The following RCBTB1 variants were observed in gnomAD, a reference collection of about 807,000 sequenced individuals.
RCBTB1 encodes the protein RCC1 and BTB domain containing protein 1.
RCBTB1 carries 46 observed loss-of-function variants against 62.4 expected under a neutral mutation model. That is an observed-to-expected ratio of 0.74 (90% CI 0.58 to 0.94). The LOEUF is 0.94. Ranked by LOEUF, RCBTB1 falls within the 40% of genes least tolerant of loss-of-function variation. RCBTB1 has a pLI of 0.00. For synonymous variants in RCBTB1, 222 were observed against 245.8 expected (o/e 0.90, Z 0.91); for missense variants, 565 against 654.9 (o/e 0.86, Z 1.50).
chr13:49,568,539 TAC>T (rs1388370369), intron 2 of RCBTB1, among the ~76,000 whole-genome samples: 1 of 152,150 alleles, frequency 6.6e-6, no homozygotes, highest in East Asian at 1.9e-4. Flanking sequence ...GGCACCTGTT[TAC>T]ACACACCCTT....
rs2274284 is a variant in RCBTB1, at chr13:49,555,479, A to G, written c.603+36T>C. The G allele has an allele frequency of 0.84, 1,315,130 of 1,557,914 alleles. 556,002 individuals are homozygous for G. The highest frequency in any genetic ancestry group is 0.89 in the Admixed American group (53,235 of 59,822). ...AGAAACTGACGTGTAATTGAAAAAGAAGGTAGAAAGGGAAATGGGAGTGGA... is the reference window on the plus strand; with the variant it reads ...AGAAACTGACGTGTAATTGAAAAAGGAGGTAGAAAGGGAAATGGGAGTGGA... On this transcript the variant is annotated intron_variant, in intron 6 of 12. Transcript: ENST00000378302.
Position 49,560,076 on chromosome 13 carries a change from C to T in RCBTB1, c.286G>A (p.Val96Ile). 1.2e-6 allele frequency: 2 copies of T among 1,613,308 alleles called. No homozygotes were observed. The highest frequency in any genetic ancestry group is 1.7e-6 in the Non-Finnish European group (2 of 1,179,774). ...HVLLSTEDGV[V>I]YAWGHNGYSQ... The stretch of plus-strand genomic sequence containing the variant: ...TATCCATTGTGGCCCCAGGCATAAA[C>T]CACTCCATCTGTGCACACAAAGCAC... Residue 96 changes from valine to isoleucine, a missense_variant, in exon 5 of 13, where the codon GTT becomes ATT. Coordinates refer to ENST00000378302, the MANE Select transcript of RCBTB1 (RefSeq NM_018191.4).
chr13:49,568,913 G>A (rs1327393344), intron 2 of RCBTB1, among the ~76,000 whole-genome samples: 1 of 152,194 alleles, frequency 6.6e-6, no homozygotes, highest in African/African-American at 2.4e-5. Context: ...TGGTGACAGA[G>A]CGAGACTCTG....
chr13:49,571,305 C>G (rs1440492317), intron 2 of RCBTB1, among the ~76,000 whole-genome samples: 1 of 152,048 alleles, frequency 6.6e-6, no homozygotes, highest in Non-Finnish European at 1.5e-5. Flanking sequence ...GAGATTGCAC[C>G]ACTGCACCCC....
chr13:49,545,821 CGTGCTGTTACCA>C (rs1566221536), intron 9 of RCBTB1, among the ~76,000 whole-genome samples: 1 of 152,120 alleles, frequency 6.6e-6, no homozygotes, highest in Non-Finnish European at 1.5e-5. Context: ...CCCTTGGTAG[CGTGCTGTTACCA>C]GAGCAACTCC....
chr13:49,576,717 C>A (rs1963809568), intron 2 of RCBTB1, among the ~76,000 whole-genome samples: 1 of 152,046 alleles, frequency 6.6e-6, no homozygotes, highest in African/African-American at 2.4e-5. Flanking sequence ...AAGTACCTCA[C>A]TAAGATAGTA....
chr13:49,564,480 G>A (rs1479689607), intron 4 of RCBTB1, among the ~76,000 whole-genome samples: 1 of 151,250 alleles, frequency 6.6e-6, no homozygotes, highest in African/African-American at 2.4e-5. Context: ...CAGCTACTCG[G>A]GAGGTTGAGG....
intron 2 of RCBTB1, among the ~76,000 whole-genome samples, chr13:49,574,473 C>A (rs1346705320): frequency 6.6e-6 from 1 of 152,094 alleles, no homozygotes; most frequent in Non-Finnish European, 1.5e-5. Flanking sequence ...ACAAATATTT[C>A]CAATGAAAAT....
chr13:49,539,706 G>A (rs971244411), intron 12 of RCBTB1, among the ~76,000 whole-genome samples: 4 of 152,194 alleles, frequency 2.6e-5, no homozygotes, highest in Admixed American at 1.3e-4. Flanking sequence ...GTCACAGGAA[G>A]GACAGGAAAA....
At chr13:49,569,179 G>A (rs990294993) in intron 2 of RCBTB1, among the ~76,000 whole-genome samples, 2 of 152,182 alleles carry the variant, frequency 1.3e-5, no homozygotes, top group Non-Finnish European at 2.9e-5. Context: ...AGCCTTTTGT[G>A]CAAAGTGCCT....
intron 2 of RCBTB1, among the ~76,000 whole-genome samples, chr13:49,579,406 G>A (rs1257802880): frequency 6.6e-6 from 1 of 152,076 alleles, no homozygotes; most frequent in Non-Finnish European, 1.5e-5. Flanking sequence ...GGCGGATCAC[G>A]AGGTCAGGAG....
intron 5 of RCBTB1, among the ~76,000 whole-genome samples, chr13:49,557,052 G>A (rs1037141987): frequency 6.6e-6 from 1 of 152,148 alleles, no homozygotes; most frequent in African/African-American, 2.4e-5. Context: ...TGTGTGCTAT[G>A]CCTGGCTCCA....
At position 49,560,030 on chromosome 13, in the gene RCBTB1, G is replaced by T. The variant is rs371060996; in HGVS notation, c.332C>A (p.Thr111Lys). 34 of 1,614,108 alleles carry T rather than the reference G, an allele frequency of 2.1e-5. No individual in the cohort carries two copies. Among genetic ancestry groups the T allele is most frequent in the Non-Finnish European group, 2.8e-5 (33 of 1,180,002 alleles). Residue 111 changes from threonine (T) to lysine (K), a missense_variant, in exon 5 of 13, where the codon ACG becomes AAG. Thr to Lys is a moderately conservative substitution (Grantham distance 78, BLOSUM62 -1). Transcript: ENST00000378302. ...GACGGGAGCAATGCCTTGGTTGGTCGTCCCATTCCCAAGCTGGCTATATCC... is the reference window on the plus strand; with the variant it reads ...GACGGGAGCAATGCCTTGGTTGGTCTTCCCATTCCCAAGCTGGCTATATCC... ...HNGYSQLGNGTTNQGIAPVQV... is the reference protein window; with the variant it reads ...HNGYSQLGNGKTNQGIAPVQV...
At chr13:49,557,256 G>C (rs1044093470) in intron 5 of RCBTB1, among the ~76,000 whole-genome samples, 8 of 152,122 alleles carry the variant, frequency 5.3e-5, no homozygotes, top group African/African-American at 1.9e-4. Flanking sequence ...AAAAGATAGG[G>C]AATAGAAGGG....
intron 10 of RCBTB1, among the ~76,000 whole-genome samples, chr13:49,542,321 T>G (rs1163557749): frequency 6.6e-6 from 1 of 152,230 alleles, no homozygotes; most frequent in Non-Finnish European, 1.5e-5. Flanking sequence ...AAGTGGTTTT[T>G]GTACATGCCT....
intron 12 of RCBTB1, among the ~76,000 whole-genome samples, chr13:49,534,861 C>T (rs1418575676): frequency 6.6e-6 from 1 of 152,026 alleles, no homozygotes; most frequent in Admixed American, 6.6e-5. Flanking sequence ...TAGGGAAACC[C>T]CGTCTCTAGT....
At chr13:49,539,028 C>A (rs1960148333) in intron 12 of RCBTB1, among the ~76,000 whole-genome samples, 1 of 151,932 alleles carries the variant, frequency 6.6e-6, no homozygotes, top group South Asian at 2.1e-4. Context: ...CACCACCACA[C>A]CCAGCTAATT....
intron 4 of RCBTB1, among the ~76,000 whole-genome samples, chr13:49,562,426 C>T (rs1054196924): frequency 2.0e-5 from 3 of 148,756 alleles, no homozygotes; most frequent in African/African-American, 7.4e-5. Context: ...CAGGAGGTTA[C>T]AGGTGTGAAC....
At chr13:49,567,026 C>A (rs1267441632) in intron 3 of RCBTB1, 128 bp downstream of exon 3, 2 of 866,842 alleles carry the variant, frequency 2.3e-6, no homozygotes, top group East Asian at 2.6e-5. Context: ...CTATCAAAGC[C>A]ATAGTCTTCC....
Sources: allele counts gnomAD v4.1 joint callset (sites outside exome capture counted in the v4.1 genomes callset), GRCh38; gene constraint gnomAD v4.1.1; transcripts MANE v1.5; gene names NCBI Gene and HGNC (gene_info 2026-07-23, HGNC 2026-07-21).